The following NRTN variants were observed in gnomAD, a reference collection of about 807,000 sequenced individuals.
NRTN encodes neurturin.
Under a neutral mutation model 7.5 loss-of-function variants are expected in NRTN, and 3 were observed. The ratio of observed to expected loss-of-function variants is 0.40; its 90% CI spans 0.18 to 1.03. The LOEUF is 1.03. NRTN is among the 50% of genes least tolerant of loss of function. The probability of loss-of-function intolerance (pLI) is 0.34; values close to 1 mark genes in which losing one functional copy is unlikely to be tolerated. For missense variants in NRTN, 310 were observed against 307.0 expected, an observed-to-expected ratio of 1.01 and a Z score of -0.07; for synonymous variants, 157 against 146.6, an observed-to-expected ratio of 1.07 and a Z score of -0.51.
At chr19:5,827,723 C>T (rs775932508) in intron 2 of NRTN, 26 bp from the exon 3 acceptor site, 1 of 1,164,940 alleles carries the variant, frequency 8.6e-7, no homozygotes, top group East Asian at 3.6e-5. Flanking sequence ...ACTGACCCCC[C>T]CTCCTTTCTC....
At chr19:5,805,480 G>A (rs2056972487) in intron 1 of NRTN, among the ~76,000 whole-genome samples, 29 bp downstream of exon 1, 1 of 151,734 alleles carries the variant, frequency 6.6e-6, no homozygotes, top group African/African-American at 2.4e-5. Flanking sequence ...GGGCAGGTGG[G>A]GGGGCAGCAG....
At position 5,827,900 on chromosome 19, in the gene NRTN, G is replaced by C. The variant is rs757877742; in HGVS notation, c.321G>C (p.Glu107Asp). The change falls in exon 3 of 3, where the codon GAG becomes GAC. Residue 107 changes from glutamate (E) to aspartate (D), a missense_variant. Transcript: ENST00000303212. ...GGGCGCGGCCTTGCGGGCTGCGCGA[G>C]CTGGAGGTGCGCGTGAGCGAGCTGG... Reference protein sequence around the residue: ...RLGARPCGLRELEVRVSELGL... With the variant: ...RLGARPCGLRDLEVRVSELGL... 3.6e-5 allele frequency: 51 copies of C among 1,432,366 alleles called. No homozygotes were observed. 88.7% of individuals were successfully genotyped at this position (1,432,366 alleles called of 1,614,324 possible). A position where few individuals can be genotyped will look rare whatever the true frequency, so the allele number is the denominator to read the frequency against.
At chr19:5,820,642 T>C in intron 1 of NRTN, among the ~76,000 whole-genome samples, 1 of 137,422 alleles carries the variant, frequency 7.3e-6, no homozygotes, top group East Asian at 2.1e-4. Flanking sequence ...GGCAGGAGAA[T>C]CGCTTGAACC....
At chr19:5,815,742 T>G (rs1371126626) in intron 1 of NRTN, among the ~76,000 whole-genome samples, 4 of 142,900 alleles carry the variant, frequency 2.8e-5, no homozygotes, top group African/African-American at 1.0e-4. Flanking sequence ...GGCCTGTTTT[T>G]TTTTTTTTTT....
chr19:5,815,902 G>A (rs553828731), intron 1 of NRTN, among the ~76,000 whole-genome samples: 2 of 150,442 alleles, frequency 1.3e-5, no homozygotes, highest in African/African-American at 2.4e-5. Context: ...CTGTCACCGT[G>A]CCTGGCTAAT....
At chr19:5,812,776 A>G (rs1341571210) in intron 1 of NRTN, among the ~76,000 whole-genome samples, 2 of 152,232 alleles carry the variant, frequency 1.3e-5, no homozygotes, top group African/African-American at 4.8e-5. Context: ...TTTCTCCACC[A>G]GTGGAACCTC....
intron 1 of NRTN, among the ~76,000 whole-genome samples, chr19:5,809,865 A>G (rs1306180141): frequency 6.6e-6 from 1 of 152,156 alleles, no homozygotes; most frequent in Admixed American, 6.5e-5. Flanking sequence ...TTGTTAACAC[A>G]GGCCAGCGGG....
intron 2 of NRTN, among the ~76,000 whole-genome samples, chr19:5,826,493 C>A (rs990071038): frequency 9.2e-5 from 14 of 152,138 alleles, no homozygotes; most frequent in Non-Finnish European, 1.8e-4. Context: ...TTTCTGAGAC[C>A]CCCTGTGGGA....
intron 1 of NRTN, among the ~76,000 whole-genome samples, chr19:5,817,229 C>T (rs1307091512): frequency 6.6e-6 from 1 of 151,970 alleles, no homozygotes; most frequent in African/African-American, 2.4e-5. Flanking sequence ...TGGCACACAC[C>T]TGTGGTCCCA....
chr19:5,805,687 G>T, intron 1 of NRTN, among the ~76,000 whole-genome samples: 1 of 152,062 alleles, frequency 6.6e-6, no homozygotes, highest in East Asian at 1.9e-4. Context: ...GAATCCAGCC[G>T]CGGTGTCCCT....
In NRTN at chr19:5,827,744, C is replaced by T. The variant is rs1432742844; in HGVS notation, c.170-5C>T. ...CCCCCCTCCTTTCTCTTCCTCCCCT[C>T]GCAGACCGTGCACTCCTGCAGGGGG... On this transcript the variant is annotated splice_region_variant and splice_polypyrimidine_tract_variant and intron_variant, in intron 2 of 2. Transcript: ENST00000303212. 26 of 1,215,048 alleles carry T rather than the reference C, an allele frequency of 2.1e-5. No homozygotes were observed. The highest frequency in any genetic ancestry group is 2.6e-5 in the Non-Finnish European group (25 of 973,506). 75.3% of individuals were successfully genotyped at this position (1,215,048 alleles called of 1,614,324 possible).
At chr19:5,817,496 AAAGG>A (rs879581328) in intron 1 of NRTN, among the ~76,000 whole-genome samples, 1,558 of 114,726 alleles carry the variant, frequency 0.014, 12 homozygotes, top group Non-Finnish European at 0.02. Flanking sequence ...AGAGAGAGAG[AAAGG>A]AAGGAAGGGA....
Position 5,827,957 on chromosome 19 carries a change from G to A in NRTN, c.378G>A (p.Leu126=), listed in dbSNP as rs1251938707. 11 of 1,489,122 alleles carry A rather than the reference G, an allele frequency of 7.4e-6. No homozygotes were observed. The highest frequency in any genetic ancestry group is 2.9e-5 in the East Asian group (1 of 35,058). The allele number at this position is 1,489,122 out of a possible 1,614,324, so 92.2% of individuals were successfully genotyped here. The change falls in exon 3 of 3, where the codon CTG becomes CTA. Residue 126 remains leucine (L), a synonymous_variant. Coordinates refer to ENST00000303212, the MANE Select transcript of NRTN (RefSeq NM_004558.5). ...GLGYASDETV[L]FRYCAGACEA... is the part of the protein sequence containing the mutation. ...GCTACGCGTCCGACGAGACGGTGCTGTTCCGCTACTGCGCAGGCGCCTGCG... is the reference window on the plus strand; with the variant it reads ...GCTACGCGTCCGACGAGACGGTGCTATTCCGCTACTGCGCAGGCGCCTGCG...
At position 5,806,528 on chromosome 19, in the gene NRTN, G is replaced by C. The variant is rs2144754035; in HGVS notation, c.-399+1077G>C. Among the ~76,000 whole-genome samples the C allele has an allele frequency of 6.6e-6, 1 of 152,216 alleles. No homozygotes were observed. The highest frequency in any genetic ancestry group is 1.9e-4 in the East Asian group (1 of 5,172). On this transcript the variant is annotated intron_variant, in intron 1 of 2. Coordinates refer to ENST00000303212, the MANE Select transcript of NRTN (RefSeq NM_004558.5). This position sits in a 1 kb window ranked among gnomAD's most constrained non-coding sequence, Gnocchi z 5.4. ...GGCTGAGGAAGCCTGGGTGGGGTGTGACCAGCCTCAGAGGATGTCAGTGAG... is the reference window on the plus strand; with the variant it reads ...GGCTGAGGAAGCCTGGGTGGGGTGTCACCAGCCTCAGAGGATGTCAGTGAG...
chr19:5,818,738 C>T (rs548736259), intron 1 of NRTN, among the ~76,000 whole-genome samples: 1 of 152,058 alleles, frequency 6.6e-6, no homozygotes, highest in Admixed American at 6.6e-5. Context: ...ACCCAGCCCC[C>T]TCCCCGTGCC....
rs1599639466 is a variant in NRTN at position 5,824,236 on chromosome 19, G to A, written c.71G>A (p.Arg24Gln). Residue 24 changes from arginine to glutamine, a missense_variant, in exon 2 of 3, where the codon CGA (arginine) becomes CAA (glutamine). By Grantham distance (43) the Arg-to-Gln change is conservative. Coordinates refer to ENST00000303212, the MANE Select transcript of NRTN (RefSeq NM_004558.5). Reference protein sequence around the residue: ...CSSVLSIWMCREGLLLSHRLG... With the variant: ...CSSVLSIWMCQEGLLLSHRLG... ...TCCGTGCTGTCCATCTGGATGTGTC[G>A]AGAGGGCCTGCTTCTCAGCCACCGC... The A allele has an allele frequency of 3.1e-6, 5 of 1,612,274 alleles. No individual in the cohort carries two copies. The highest frequency in any genetic ancestry group is 1.7e-4 in the Middle Eastern group (1 of 6,022).
At chr19:5,811,947 G>A (rs1824070482) in intron 1 of NRTN, among the ~76,000 whole-genome samples, 1 of 151,792 alleles carries the variant, frequency 6.6e-6, no homozygotes, top group African/African-American at 2.4e-5. Flanking sequence ...TTGGCCCACT[G>A]CAAGCTCCGC....
Position 5,828,247 on chromosome 19 carries a change from CTG to C in NRTN, c.*75_*76del, listed in dbSNP as rs2057057157. The C allele has an allele frequency of 1.4e-6, 2 of 1,477,646 alleles. No individual in the cohort carries two copies. Among genetic ancestry groups the C allele is most frequent in the Non-Finnish European group, 1.8e-6 (2 of 1,106,564 alleles). 91.5% of individuals were successfully genotyped at this position (1,477,646 alleles called of 1,614,324 possible). On this transcript the variant is annotated 3_prime_UTR_variant, in exon 3 of 3. Coordinates refer to ENST00000303212, the MANE Select transcript of NRTN (RefSeq NM_004558.5). ...CACCACTGGCCGGCCCCGCGAAAGA[CTG>C]CGCGTGCGTAGAGCACGCCGGCGCG... is the stretch of plus-strand genomic sequence containing the variant.
chr19:5,812,812 A>G (rs551804155), intron 1 of NRTN, among the ~76,000 whole-genome samples: 1 of 152,324 alleles, frequency 6.6e-6, no homozygotes, highest in East Asian at 1.9e-4. Context: ...GCGATCTAGG[A>G]ACAGGAGACC....
Sources: gnomAD v4.1 joint callset for allele counts (sites outside exome capture counted in the v4.1 genomes callset) on GRCh38, gnomAD v4.1.1 for gene constraint, Gnocchi (gnomAD v3.1) non-coding constraint, MANE v1.5 for transcripts, NCBI Gene and HGNC (gene_info 2026-07-23, HGNC 2026-07-21) for gene names.